Variants in DDX10 observed in about 807,000 individuals in gnomAD.
The protein encoded by DDX10 is probable ATP-dependent RNA helicase DDX10.
DDX10 carries 74 observed loss-of-function variants against 104.3 expected under a neutral mutation model. That is an observed-to-expected ratio of 0.71 (90% confidence interval 0.59 to 0.86). The LOEUF (loss-of-function observed/expected upper bound fraction) is 0.86. DDX10 is among the 40% of genes least tolerant of loss of function. The pLI, the probability that DDX10 is intolerant of heterozygous loss-of-function variation, is 0.00. For synonymous variants in DDX10, 351 were observed against 353.4 expected (o/e 0.99, Z 0.08); for missense variants, 952 against 1,040.0 (o/e 0.92, Z 1.16).
intron 10 of DDX10, among the ~76,000 whole-genome samples, chr11:108,714,892 C>G (rs2134468602): frequency 6.6e-6 from 1 of 152,026 alleles, no homozygotes; most frequent in Non-Finnish European, 1.5e-5. Flanking sequence ...GAGTGAAAGT[C>G]TCTAACTTTT....
At chr11:108,752,976 A>G (rs2094340490) in intron 13 of DDX10, among the ~76,000 whole-genome samples, 2 of 152,080 alleles carry the variant, frequency 1.3e-5, no homozygotes, top group African/African-American at 4.8e-5. Context: ...TGTGCTAAAT[A>G]AATATTTGCT....
chr11:108,696,424 G>A (rs1199954952), intron 9 of DDX10, among the ~76,000 whole-genome samples: 2 of 152,064 alleles, frequency 1.3e-5, no homozygotes, highest in Non-Finnish European at 2.9e-5. Context: ...TGATCCGCCC[G>A]CCTCAGCCTC....
rs548304746 is a variant in DDX10 at position 108,899,252 on chromosome 11, G to A, written c.2305-18621G>A. 2.7e-4 allele frequency among the ~76,000 whole-genome samples: 40 copies of A among 147,626 alleles called. No homozygotes were observed. The Middle Eastern group carries it at 0.01, about 38-fold the overall frequency. ...TTTTTTCTCCTCCCCCCAACCCCCC[G>A]TGTTAAGTTATAAATTACTTTGATT... is the stretch of plus-strand genomic sequence containing the variant. On this transcript the variant is annotated intron_variant, in intron 16 of 17. Transcript: ENST00000322536.
chr11:108,778,204 A>G (rs1381993681), intron 13 of DDX10, among the ~76,000 whole-genome samples: 2 of 152,224 alleles, frequency 1.3e-5, no homozygotes, highest in Non-Finnish European at 2.9e-5. Context: ...TTTAAAGTTC[A>G]TATGGAACCA....
rs11212783 is a variant in DDX10 at position 108,804,146 on chromosome 11, G to A, written c.1966-34300G>A. On this transcript the variant is annotated intron_variant, in intron 13 of 17. Transcript: ENST00000322536. ...ATTGTACATCAGTCCAACAAAGAAA[G>A]AACACATCAAACTAGAGAGCAGTTC... Among the ~76,000 whole-genome samples, 19 of 152,220 alleles carry A rather than the reference G, an allele frequency of 1.2e-4. No homozygotes were observed. In the East Asian group the frequency reaches 3.7e-3, roughly 29 times the overall value.
intron 16 of DDX10, among the ~76,000 whole-genome samples, chr11:108,865,107 T>C (rs1862992567): frequency 6.6e-6 from 1 of 152,188 alleles, no homozygotes; most frequent in Non-Finnish European, 1.5e-5. Context: ...TAAATCCTGT[T>C]GTGTGTTCAG....
chr11:108,710,369 A>T (rs537203218), intron 10 of DDX10, among the ~76,000 whole-genome samples: 7 of 152,246 alleles, frequency 4.6e-5, no homozygotes, highest in African/African-American at 1.4e-4. Context: ...AACCCACATT[A>T]TACAGCTACA....
At chr11:108,736,385 G>T (rs1233828628) in intron 13 of DDX10, among the ~76,000 whole-genome samples, 3 of 152,026 alleles carry the variant, frequency 2.0e-5, no homozygotes, top group African/African-American at 7.2e-5. Flanking sequence ...AATACGTTTT[G>T]CAGTTTATCA....
intron 13 of DDX10, among the ~76,000 whole-genome samples, chr11:108,754,869 C>T (rs1433634695): frequency 6.6e-6 from 1 of 152,000 alleles, no homozygotes; most frequent in Non-Finnish European, 1.5e-5. Context: ...AAAGTCAGAA[C>T]ATCAGAAAAG....
intron 15 of DDX10, 49 bp downstream of exon 15, chr11:108,841,525 A>C: frequency 6.6e-7 from 1 of 1,519,188 alleles, no homozygotes; most frequent in Non-Finnish European, 9.0e-7. Context: ...AGTGTCCCGA[A>C]GTATATCTAA....
At chr11:108,878,745 C>A (rs144213139) in intron 16 of DDX10, among the ~76,000 whole-genome samples, 24 of 151,578 alleles carry the variant, frequency 1.6e-4, no homozygotes, top group African/African-American at 5.6e-4. Context: ...TTGCCAAGGC[C>A]ATATGTTAGT....
chr11:108,667,812 C>G (rs2094211963), intron 1 of DDX10, among the ~76,000 whole-genome samples: 1 of 152,206 alleles, frequency 6.6e-6, no homozygotes, highest in Admixed American at 6.5e-5. Flanking sequence ...CATCACCTCC[C>G]CTGACCGAGT....
At chr11:108,698,543 A>G (rs1316213811) in intron 9 of DDX10, among the ~76,000 whole-genome samples, 1 of 152,160 alleles carries the variant, frequency 6.6e-6, no homozygotes, top group Non-Finnish European at 1.5e-5. Context: ...TATAGCCAGT[A>G]TGGCTGTAGG....
At chr11:108,795,221 T>G (rs923307309) in intron 13 of DDX10, among the ~76,000 whole-genome samples, 2 of 152,042 alleles carry the variant, frequency 1.3e-5, no homozygotes, top group Non-Finnish European at 2.9e-5. Flanking sequence ...GCTTCTGTGT[T>G]TTACAAAAGT....
At chr11:108,803,645 A>G (rs1411937407) in intron 13 of DDX10, among the ~76,000 whole-genome samples, 2 of 151,226 alleles carry the variant, frequency 1.3e-5, no homozygotes, top group Non-Finnish European at 2.9e-5. Context: ...GTTTTTCTTC[A>G]TTATATCTCT....
At chr11:108,738,165 A>C (rs915877823) in intron 13 of DDX10, among the ~76,000 whole-genome samples, 1 of 151,390 alleles carries the variant, frequency 6.6e-6, no homozygotes, top group Non-Finnish European at 1.5e-5. Flanking sequence ...TATATTCATA[A>C]AATAGGATTT....
At chr11:108,871,730 A>G (rs1863084600) in intron 16 of DDX10, among the ~76,000 whole-genome samples, 1 of 152,100 alleles carries the variant, frequency 6.6e-6, no homozygotes, top group Admixed American at 6.6e-5. Flanking sequence ...GGGTTCTGAG[A>G]CCAGCCTGAC....
chr11:108,867,978 A>G (rs1863028962), intron 16 of DDX10, among the ~76,000 whole-genome samples: 1 of 152,070 alleles, frequency 6.6e-6, no homozygotes, highest in African/African-American at 2.4e-5. Flanking sequence ...TGACTTAAAG[A>G]TCTCTTTCAT....
At chr11:108,808,968 A>G (rs991171156) in intron 13 of DDX10, among the ~76,000 whole-genome samples, 7 of 152,190 alleles carry the variant, frequency 4.6e-5, no homozygotes, top group African/African-American at 1.7e-4. Context: ...GTCTATATTG[A>G]AAAGGAATGC....
Sources: gnomAD v4.1 joint callset for allele counts (sites outside exome capture counted in the v4.1 genomes callset) on GRCh38, gnomAD v4.1.1 for gene constraint, MANE v1.5 for transcripts, NCBI Gene and HGNC (gene_info 2026-07-23, HGNC 2026-07-21) for gene names.